The following ANKRD30B variants were observed in gnomAD, a reference collection of about 807,000 sequenced individuals.
The protein encoded by ANKRD30B is ankyrin repeat domain-containing protein 30B.
Under a neutral mutation model 202.2 loss-of-function variants are expected in ANKRD30B, and 144 were observed. The ratio of observed to expected loss-of-function variants is 0.71; its 90% CI spans 0.62 to 0.82. The LOEUF is 0.82. ANKRD30B is among the 40% of genes least tolerant of loss of function. The pLI is 0.00. For missense variants in ANKRD30B, 1,487 were observed against 1,669.1 expected (o/e 0.89, Z 1.90); for synonymous variants, 508 against 561.3 (o/e 0.91, Z 1.34).
intron 28 of ANKRD30B, 37 bp downstream of exon 28, chr18:14,810,217 G>T (rs777701196): frequency 9.8e-6 from 12 of 1,228,844 alleles, no homozygotes; most frequent in South Asian, 7.2e-5. Context: ...CTGGAATTAA[G>T]AATATTAAAC....
chr18:14,755,044 T>A, intron 4 of ANKRD30B, 39 bp downstream of exon 4: 9 of 1,164,272 alleles, frequency 7.7e-6, no homozygotes, highest in African/African-American at 1.6e-5. Context: ...AACACTTGAC[T>A]AGTGTTCTAG....
chr18:14,840,977 G>A (rs1284883794), intron 37 of ANKRD30B, among the ~76,000 whole-genome samples: 1 of 152,226 alleles, frequency 6.6e-6, no homozygotes, highest in African/African-American at 2.4e-5. Flanking sequence ...GGAACAAGAA[G>A]CAGGTTTACA....
At chr18:14,874,192 A>G in the ANKRD30B span, among the ~76,000 whole-genome samples, 10 of 152,132 alleles carry the variant, frequency 6.6e-5, no homozygotes, top group African/African-American at 2.4e-4. Flanking sequence ...CATATTCTAT[A>G]CTCTGGTTCT....
At chr18:14,893,652 C>T in the ANKRD30B span, among the ~76,000 whole-genome samples, 8 of 152,082 alleles carry the variant, frequency 5.3e-5, no homozygotes, top group South Asian at 1.7e-3. Flanking sequence ...ATCCTACCCT[C>T]CAAATCAGAA....
chr18:14,847,900 A>G (rs1249892183), intron 39 of ANKRD30B, among the ~76,000 whole-genome samples: 1 of 151,994 alleles, frequency 6.6e-6, no homozygotes, highest in African/African-American at 2.4e-5. Flanking sequence ...TCTGGCTTAC[A>G]TGCAATCTTC....
At chr18:14,775,053 G>C (rs1967268871) in intron 9 of ANKRD30B, among the ~76,000 whole-genome samples, 1 of 152,188 alleles carries the variant, frequency 6.6e-6, no homozygotes, top group Admixed American at 6.5e-5. Context: ...CATGAACCTG[G>C]GAGGTGGAGC....
chr18:14,804,864 G>C (rs974252564), intron 24 of ANKRD30B, among the ~76,000 whole-genome samples: 4 of 150,758 alleles, frequency 2.7e-5, no homozygotes, highest in Non-Finnish European at 5.9e-5. Flanking sequence ...GGAAGCAGGG[G>C]ACAAGAGAGA....
intron 9 of ANKRD30B, among the ~76,000 whole-genome samples, chr18:14,773,200 G>T (rs1967126000): frequency 6.6e-6 from 1 of 152,048 alleles, no homozygotes; most frequent in African/African-American, 2.4e-5. Flanking sequence ...ATTGTTCAAA[G>T]ATCTTTGATC....
At chr18:14,836,971 T>C (rs1221898916) in intron 34 of ANKRD30B, among the ~76,000 whole-genome samples, 1 of 152,206 alleles carries the variant, frequency 6.6e-6, no homozygotes, top group East Asian at 1.9e-4. Flanking sequence ...GAATTTTACT[T>C]TTCTGTTCTT....
At chr18:14,752,240 G>A (rs1304452994) in intron 1 of ANKRD30B, among the ~76,000 whole-genome samples, 8 of 152,142 alleles carry the variant, frequency 5.3e-5, no homozygotes, top group Non-Finnish European at 8.8e-5. Context: ...TGAGATAACG[G>A]CTGTATTCAT....
At chr18:14,789,649 T>A (rs1343654848) in intron 15 of ANKRD30B, among the ~76,000 whole-genome samples, 2 of 152,232 alleles carry the variant, frequency 1.3e-5, no homozygotes, top group Non-Finnish European at 2.9e-5. Context: ...AAATAGGGAA[T>A]CCTTTCCCCA....
At chr18:14,827,721 A>G (rs181445146) in intron 32 of ANKRD30B, among the ~76,000 whole-genome samples, 336 of 152,288 alleles carry the variant, frequency 2.2e-3, no homozygotes, top group African/African-American at 7.4e-3. Flanking sequence ...TAGAAATTAT[A>G]CTTTCTAAGT....
chr18:14,888,940 A>C, the ANKRD30B span: 1 of 952,414 alleles, frequency 1.0e-6, no homozygotes, highest in South Asian at 1.6e-5. Flanking sequence ...GTTCCAAATG[A>C]TTTTTAGAGA....
intron 14 of ANKRD30B, among the ~76,000 whole-genome samples, chr18:14,785,313 A>G (rs1968012227): frequency 6.6e-6 from 1 of 152,178 alleles, no homozygotes; most frequent in African/African-American, 2.4e-5. Context: ...ATGTTCAGCA[A>G]CATTCTTATT....
the ANKRD30B span, among the ~76,000 whole-genome samples, chr18:14,909,407 C>T: frequency 2.6e-5 from 4 of 152,114 alleles, no homozygotes; most frequent in Admixed American, 6.6e-5. Context: ...ATAAGGAAGG[C>T]GCTATTTGTT....
chr18:14,753,440 G>A (rs1466330784), intron 3 of ANKRD30B, among the ~76,000 whole-genome samples: 2 of 152,062 alleles, frequency 1.3e-5, no homozygotes, highest in African/African-American at 4.8e-5. Context: ...CTAAGAGAAC[G>A]TTCTAGCTTT....
the ANKRD30B span, among the ~76,000 whole-genome samples, chr18:14,920,866 G>A: frequency 1.3e-5 from 2 of 152,228 alleles, no homozygotes; most frequent in Non-Finnish European, 2.9e-5. Context: ...CCAAGTGCAA[G>A]TGCATGTAAG....
At chr18:14,783,869 G>A (rs1967909297) in intron 12 of ANKRD30B, among the ~76,000 whole-genome samples, 1 of 151,986 alleles carries the variant, frequency 6.6e-6, no homozygotes, top group African/African-American at 2.4e-5. Context: ...TATGACCTAA[G>A]TATATATCCA....
chr18:14,910,574 G>A, the ANKRD30B span, among the ~76,000 whole-genome samples: 52 of 151,560 alleles, frequency 3.4e-4, no homozygotes, highest in African/African-American at 1.1e-3. Flanking sequence ...TGGGAATAGC[G>A]CTTCCATAAA....
Sources: gnomAD v4.1 joint callset for allele counts (sites outside exome capture counted in the v4.1 genomes callset) on GRCh38, gnomAD v4.1.1 for gene constraint, MANE v1.5 for transcripts, NCBI Gene and HGNC (gene_info 2026-07-23, HGNC 2026-07-21) for gene names.